DOCK3: variants seen among roughly 807,000 people sequenced by gnomAD.
DOCK3 encodes dedicator of cytokinesis protein 3.
A neutral mutation model predicts 265.6 loss-of-function variants in DOCK3; 60 were observed. The ratio of observed to expected loss-of-function variants is 0.23; its 90% confidence interval spans 0.18 to 0.28. The LOEUF is 0.28. Ranked by LOEUF, DOCK3 falls within the 10% of genes least tolerant of loss-of-function variation. The pLI is 1.00. For synonymous variants in DOCK3, 881 were observed against 938.0 expected (o/e 0.94, Z 1.11); for missense variants, 1,981 against 2,594.3 (o/e 0.76, Z 5.14).
intron 22 of DOCK3, among the ~76,000 whole-genome samples, chr3:51,251,574 G>T (rs991749029): frequency 6.6e-6 from 1 of 152,216 alleles, no homozygotes; most frequent in South Asian, 2.1e-4. Context: ...CAACTAGTGT[G>T]AGATGGTATC....
chr3:50,939,439 T>C (rs572695874), intron 5 of DOCK3, among the ~76,000 whole-genome samples: 1 of 152,064 alleles, frequency 6.6e-6, no homozygotes, highest in African/African-American at 2.4e-5. Context: ...AAGAAAAAAA[T>C]CTGGAGTATC....
At chr3:51,249,297 C>G (rs1246051242) in intron 22 of DOCK3, among the ~76,000 whole-genome samples, 3 of 143,664 alleles carry the variant, frequency 2.1e-5, no homozygotes, top group Admixed American at 2.0e-4. Context: ...GCCCCTCTGC[C>G]CAACCAGCCG....
At chr3:51,109,573 A>G (rs1447727784) in intron 9 of DOCK3, among the ~76,000 whole-genome samples, 1 of 152,152 alleles carries the variant, frequency 6.6e-6, no homozygotes, top group African/African-American at 2.4e-5. Context: ...TCAATGAATC[A>G]AGATGATTTT....
chr3:51,336,723 G>A (rs2084902738), intron 35 of DOCK3, among the ~76,000 whole-genome samples: 1 of 152,206 alleles, frequency 6.6e-6, no homozygotes, highest in South Asian at 2.1e-4. Flanking sequence ...CAGTCATAGA[G>A]CACAGAAGTG....
At chr3:51,367,062 T>C (rs927665119) in intron 49 of DOCK3, among the ~76,000 whole-genome samples, 12 of 152,336 alleles carry the variant, frequency 7.9e-5, no homozygotes, top group African/African-American at 2.6e-4. Context: ...TTCTGTCTCA[T>C]TGATCTGTCT....
At chr3:51,341,198 A>C in intron 37 of DOCK3, 39 bp from the exon 38 acceptor site, 1 of 1,531,458 alleles carries the variant, frequency 6.5e-7, no homozygotes, top group Non-Finnish European at 8.8e-7. Context: ...CCTCTGAGCA[A>C]GGGAAGCCCC....
chr3:51,308,163 A>C (rs1379488524), intron 27 of DOCK3, among the ~76,000 whole-genome samples: 2 of 151,814 alleles, frequency 1.3e-5, no homozygotes, highest in Non-Finnish European at 2.9e-5. Context: ...GTGGGAGGGG[A>C]AGGGAATAGT....
chr3:50,817,482 G>T (rs1414543639), intron 2 of DOCK3, among the ~76,000 whole-genome samples: 1 of 151,164 alleles, frequency 6.6e-6, no homozygotes, highest in Non-Finnish European at 1.5e-5. Context: ...TTTTTATAGA[G>T]ACAGAGGTCC....
chr3:51,083,386 A>G (rs959150286), intron 7 of DOCK3, among the ~76,000 whole-genome samples: 5 of 152,234 alleles, frequency 3.3e-5, no homozygotes, highest in African/African-American at 1.2e-4. Flanking sequence ...CAAGAAACAT[A>G]AAAAAGCAAA....
At chr3:51,314,008 T>C (rs1041440874) in intron 31 of DOCK3, among the ~76,000 whole-genome samples, 6 of 152,212 alleles carry the variant, frequency 3.9e-5, no homozygotes, top group African/African-American at 1.2e-4. Flanking sequence ...CTTTTCTGCC[T>C]CATTTCTTTT....
At chr3:51,190,165 G>T (rs2087860389) in intron 12 of DOCK3, among the ~76,000 whole-genome samples, 1 of 152,130 alleles carries the variant, frequency 6.6e-6, no homozygotes, top group Admixed American at 6.5e-5. Context: ...TGTCCCACAG[G>T]GTATTCCCTT....
At chr3:51,083,476 A>G (rs1424091547) in intron 7 of DOCK3, among the ~76,000 whole-genome samples, 5 of 152,198 alleles carry the variant, frequency 3.3e-5, no homozygotes, top group African/African-American at 1.2e-4. Context: ...AAATCCCTGA[A>G]AAATAATTCA....
chr3:51,046,348 C>G (rs2080776744), intron 5 of DOCK3, among the ~76,000 whole-genome samples: 1 of 152,014 alleles, frequency 6.6e-6, no homozygotes, highest in Non-Finnish European at 1.5e-5. Flanking sequence ...GTAAGAGAGT[C>G]ACTTTAGCTT....
At chr3:51,187,804 C>T (rs1484017284) in intron 12 of DOCK3, among the ~76,000 whole-genome samples, 1 of 143,178 alleles carries the variant, frequency 7.0e-6, no homozygotes, top group Admixed American at 7.1e-5. Flanking sequence ...ATGACTTGCT[C>T]CTTCTTGCCT....
In DOCK3 at chr3:51,381,700, C is replaced by T; in HGVS notation, c.*141C>T. The T allele has an allele frequency of 4.1e-6, 5 of 1,208,162 alleles. No individual in the cohort carries two copies. Among genetic ancestry groups the T allele is most frequent in the Non-Finnish European group, 5.6e-6 (5 of 898,110 alleles). The allele number at this position is 1,208,162 out of a possible 1,614,324, so 74.8% of individuals were successfully genotyped here. The stretch of plus-strand genomic sequence containing the variant: ...AGAGAACCACCCCCAAGTCTCCGTT[C>T]TACTGCCGTGAACTCATGTGTTGCC... On this transcript the variant is annotated 3_prime_UTR_variant, in exon 53 of 53. Coordinates refer to ENST00000266037, the MANE Select transcript of DOCK3 (RefSeq NM_004947.5). The surrounding 1 kb of genome is among the most constrained non-coding windows in gnomAD (Gnocchi z 5.6).
chr3:51,299,482 A>G (rs1278405446), intron 27 of DOCK3, among the ~76,000 whole-genome samples: 1 of 152,124 alleles, frequency 6.6e-6, no homozygotes, highest in South Asian at 2.1e-4. Flanking sequence ...TTATCATAAA[A>G]TCTTTGCTGG....
At chr3:51,236,465 A>T in intron 20 of DOCK3, 37 bp downstream of exon 20, 1 of 1,552,222 alleles carries the variant, frequency 6.4e-7, no homozygotes, top group Non-Finnish European at 8.8e-7. Flanking sequence ...TTTATTAATT[A>T]TTCCTGTCAT....
intron 49 of DOCK3, among the ~76,000 whole-genome samples, chr3:51,370,781 G>A (rs372426058): frequency 3.5e-4 from 54 of 152,290 alleles, no homozygotes; most frequent in African/African-American, 1.3e-3. Context: ...TTATTCTGTG[G>A]GTTTACAGGG....
At chr3:51,324,335 A>G (rs1357015694) in intron 32 of DOCK3, among the ~76,000 whole-genome samples, 1 of 152,266 alleles carries the variant, frequency 6.6e-6, no homozygotes, top group Non-Finnish European at 1.5e-5. Flanking sequence ...CTACAAAGAG[A>G]ATAAAATACC....
Sources: gnomAD v4.1 joint callset for allele counts (sites outside exome capture counted in the v4.1 genomes callset) on GRCh38, gnomAD v4.1.1 for gene constraint, Gnocchi (gnomAD v3.1) non-coding constraint, MANE v1.5 for transcripts, NCBI Gene and HGNC (gene_info 2026-07-23, HGNC 2026-07-21) for gene names.